The following PPARGC1A variants were observed in gnomAD, a reference collection of about 807,000 sequenced individuals.
PPARGC1A encodes the protein peroxisome proliferator-activated receptor gamma coactivator 1-alpha.
In PPARGC1A, 25 loss-of-function variants were observed where a neutral mutation model predicts 88.7. That is an observed-to-expected ratio of 0.28 (90% confidence interval 0.21 to 0.39). The LOEUF is 0.39. Ranked by LOEUF, PPARGC1A falls within the 10% of genes least tolerant of loss-of-function variation. The pLI, the probability that PPARGC1A is intolerant of heterozygous loss-of-function variation, is 1.00. For missense variants in PPARGC1A, 880 were observed against 968.7 expected (o/e 0.91, Z 1.22); for synonymous variants, 363 against 355.6 (o/e 1.02, Z -0.24).
At chr4:24,186,340 T>C in the PPARGC1A span, among the ~76,000 whole-genome samples, 4 of 152,172 alleles carry the variant, frequency 2.6e-5, no homozygotes, top group African/African-American at 9.7e-5. Flanking sequence ...GGGTTTCAAA[T>C]AACTTCACCT....
chr4:23,976,218 C>A, the PPARGC1A span, among the ~76,000 whole-genome samples: 1 of 152,110 alleles, frequency 6.6e-6, no homozygotes, highest in Non-Finnish European at 1.5e-5. Flanking sequence ...TTTATTTGAT[C>A]ATTAAATAAA....
chr4:23,852,996 T>C (rs1486201361), intron 2 of PPARGC1A, among the ~76,000 whole-genome samples: 1 of 152,232 alleles, frequency 6.6e-6, no homozygotes, highest in Non-Finnish European at 1.5e-5. Flanking sequence ...ATAATTCCAA[T>C]CAAAATTATT....
chr4:23,928,753 C>CAAA, the PPARGC1A span, among the ~76,000 whole-genome samples: 1 of 9,236 alleles, frequency 1.1e-4, no homozygotes, highest in Non-Finnish European at 3.1e-4. Flanking sequence ...TATCCAGCCA[C>CAAA]AAAAAAACAA....
intron 1 of PPARGC1A, among the ~76,000 whole-genome samples, chr4:23,897,655 T>TTGA (rs5856801): frequency 0.81 from 123,149 of 151,862 alleles, 50,833 homozygotes; most frequent in African/African-American, 0.89. Flanking sequence ...GCGCTCAGTG[T>TTGA]TGCTGAAAGA....
chr4:24,340,509 T>G, the PPARGC1A span, among the ~76,000 whole-genome samples: 1 of 152,326 alleles, frequency 6.6e-6, no homozygotes, highest in East Asian at 1.9e-4. Flanking sequence ...ATAATTACAC[T>G]GATTAAACAC....
intron 2 of PPARGC1A, among the ~76,000 whole-genome samples, chr4:23,861,081 A>T (rs1176530990): frequency 6.6e-6 from 1 of 152,220 alleles, no homozygotes; most frequent in African/African-American, 2.4e-5. Flanking sequence ...ACATATTTCA[A>T]ACTAAGGGCA....
the PPARGC1A span, among the ~76,000 whole-genome samples, chr4:24,394,789 T>C: frequency 2.0e-5 from 3 of 152,180 alleles, no homozygotes; most frequent in African/African-American, 7.2e-5. Context: ...GCCAATTAAA[T>C]GATGATACAC....
the PPARGC1A span, among the ~76,000 whole-genome samples, chr4:24,448,088 T>C: frequency 7.9e-4 from 121 of 152,310 alleles, no homozygotes; most frequent in African/African-American, 2.6e-3. Context: ...TACTAAACTT[T>C]TATCACGCTA....
the PPARGC1A span, among the ~76,000 whole-genome samples, chr4:24,168,051 A>G: frequency 6.6e-6 from 1 of 152,218 alleles, no homozygotes; most frequent in Non-Finnish European, 1.5e-5. Flanking sequence ...CACCACACTC[A>G]GCCAAGAAAG....
the PPARGC1A span, among the ~76,000 whole-genome samples, chr4:23,972,544 CT>C: frequency 6.6e-6 from 1 of 152,248 alleles, no homozygotes; most frequent in African/African-American, 2.4e-5. Context: ...TATGAAAGTG[CT>C]TTGTGAAGCA....
intron 2 of PPARGC1A, chr4:23,866,236 C>CCTGT (rs35053135): frequency 0.79 from 119,672 of 151,728 alleles, 47,591 homozygotes; most frequent in African/African-American, 0.89. Flanking sequence ...GTACAGCTCG[C>CCTGT]CTTTCTTTAC....
chr4:23,931,370 CT>C, the PPARGC1A span, among the ~76,000 whole-genome samples: 2 of 151,782 alleles, frequency 1.3e-5, no homozygotes, highest in Admixed American at 1.3e-4. Flanking sequence ...GTTATTACCT[CT>C]GGGTAGAAGG....
the PPARGC1A span, among the ~76,000 whole-genome samples, chr4:24,370,749 C>CTTTTTTTTTTTTTTTTTTTTTTTT: frequency 3.2e-5 from 2 of 62,870 alleles, no homozygotes; most frequent in Non-Finnish European, 5.5e-5. Context: ...CTGTCTCTCT[C>CTTTTTTTTTTTTTTTTTTTTTTTT]TTTTTTTTTT....
the PPARGC1A span, among the ~76,000 whole-genome samples, chr4:24,147,437 T>C: frequency 6.6e-6 from 1 of 152,158 alleles, no homozygotes; most frequent in East Asian, 1.9e-4. Context: ...AGGACTCCTC[T>C]CTATATCCTT....
At chr4:24,060,163 T>C in the PPARGC1A span, among the ~76,000 whole-genome samples, 1 of 152,186 alleles carries the variant, frequency 6.6e-6, no homozygotes, top group Non-Finnish European at 1.5e-5. Flanking sequence ...TTCATCTGAC[T>C]GAAGCCCAGA....
the PPARGC1A span, among the ~76,000 whole-genome samples, chr4:24,363,474 T>C: frequency 6.6e-6 from 1 of 152,240 alleles, no homozygotes; most frequent in African/African-American, 2.4e-5. Flanking sequence ...TATACCATAA[T>C]GATCCGGCTA....
the PPARGC1A span, among the ~76,000 whole-genome samples, chr4:24,068,251 T>C: frequency 3.3e-5 from 5 of 152,088 alleles, no homozygotes; most frequent in South Asian, 2.1e-4. Flanking sequence ...ACTCAGCTTT[T>C]AAGAGAGGAG....
chr4:24,030,505 T>C, the PPARGC1A span, among the ~76,000 whole-genome samples: 3 of 152,224 alleles, frequency 2.0e-5, no homozygotes, highest in Non-Finnish European at 4.4e-5. Flanking sequence ...CTAAAAATAA[T>C]ACCTTTTGAG....
chr4:23,913,267 T>TATATATATATATATAGAGAG, the PPARGC1A span, among the ~76,000 whole-genome samples: 1 of 77,530 alleles, frequency 1.3e-5, no homozygotes, highest in African/African-American at 5.6e-5. Context: ...TATATATATA[T>TATATATATATATATAGAGAG]AGAGAGAGAG....
Sources: gnomAD v4.1 joint callset for allele counts (sites outside exome capture counted in the v4.1 genomes callset) on GRCh38, gnomAD v4.1.1 for gene constraint, MANE v1.5 for transcripts, NCBI Gene and HGNC (gene_info 2026-07-23, HGNC 2026-07-21) for gene names.